NEK10: variants seen among roughly 807,000 people sequenced by gnomAD.
The protein encoded by NEK10 is NIMA related kinase 10.
NEK10 carries 122 observed loss-of-function variants against 159.8 expected under a neutral mutation model. That is an observed-to-expected ratio of 0.76 (90% confidence interval 0.66 to 0.89). The LOEUF (loss-of-function observed/expected upper bound fraction) is 0.89. Ranked by LOEUF, NEK10 falls within the 40% of genes least tolerant of loss-of-function variation. The probability of loss-of-function intolerance (pLI) is 0.00; values close to 1 mark genes in which losing one functional copy is unlikely to be tolerated. For synonymous variants in NEK10, 466 were observed against 457.1 expected, an observed-to-expected ratio of 1.02 and a Z score of -0.25; for missense variants, 1,342 against 1,323.1, an observed-to-expected ratio of 1.01 and a Z score of -0.22.
At position 27,314,280 on chromosome 3, in the gene NEK10, C is replaced by T. The variant is rs2149610194; in HGVS notation, c.489+17G>A. On this transcript the variant is annotated intron_variant, in intron 7 of 35. Transcript: ENST00000691995. ...AAAATGAAAAGGCAAGACCAGCCAC[C>T]ACAAAAGGAATCTTACCTGAGCTAG... 1 of 1,587,502 alleles carries T rather than the reference C, an allele frequency of 6.3e-7. No homozygotes were observed. The highest frequency in any genetic ancestry group is 8.6e-7 in the Non-Finnish European group (1 of 1,161,296).
intron 18 of NEK10, 136 bp from the exon 19 acceptor site, chr3:27,290,890 G>T: frequency 1.5e-6 from 1 of 682,486 alleles, no homozygotes; most frequent in Non-Finnish European, 2.4e-6. Flanking sequence ...AGCATTTAAA[G>T]TTCCAGCTGT....
At chr3:27,188,652 T>C (rs573467942) in intron 26 of NEK10, among the ~76,000 whole-genome samples, 78 of 152,314 alleles carry the variant, frequency 5.1e-4, no homozygotes, top group Admixed American at 5.0e-3. Context: ...CTTCTCTCAT[T>C]AATTCTCTTC....
chr3:27,302,199 C>T (rs1343181207), intron 12 of NEK10, among the ~76,000 whole-genome samples: 1 of 152,128 alleles, frequency 6.6e-6, no homozygotes, highest in African/African-American at 2.4e-5. Context: ...AGAAAGTTCT[C>T]TCCTATCATA....
intron 22 of NEK10, among the ~76,000 whole-genome samples, chr3:27,284,128 G>A (rs1187611652): frequency 6.6e-6 from 1 of 152,156 alleles, no homozygotes; most frequent in African/African-American, 2.4e-5. Context: ...GCTCACACCT[G>A]CAATCCCAGC....
intron 22 of NEK10, among the ~76,000 whole-genome samples, chr3:27,258,042 C>T (rs973361136): frequency 1.3e-5 from 2 of 151,778 alleles, no homozygotes; most frequent in Non-Finnish European, 2.9e-5. Context: ...ATGATCCGCC[C>T]ACCTCAGCCT....
intron 13 of NEK10, among the ~76,000 whole-genome samples, chr3:27,299,339 G>C (rs2043616698): frequency 6.6e-6 from 1 of 152,228 alleles, no homozygotes; most frequent in African/African-American, 2.4e-5. Flanking sequence ...GTGGTGTTGA[G>C]TCTGCTTGTA....
chr3:27,177,869 G>C (rs1314656757), intron 26 of NEK10, among the ~76,000 whole-genome samples: 2 of 152,112 alleles, frequency 1.3e-5, no homozygotes, highest in Admixed American at 1.3e-4. Context: ...CCTATTAAAG[G>C]GATTTAGGCA....
intron 5 of NEK10, among the ~76,000 whole-genome samples, chr3:27,339,045 A>ACAT (rs2047014892): frequency 2.0e-5 from 3 of 152,234 alleles, no homozygotes; most frequent in African/African-American, 7.2e-5. Flanking sequence ...CTATTCATCA[A>ACAT]CAAGCGACTA....
chr3:27,194,361 C>T (rs1267365163), intron 25 of NEK10: 2 of 152,088 alleles, frequency 1.3e-5, no homozygotes, highest in Admixed American at 1.3e-4. Context: ...GTGATCCACC[C>T]ACCTCGGCCT....
chr3:27,160,536 T>C lies in NEK10; in HGVS notation c.2869+2165A>G, dbSNP rs985684200. 5.9e-5 allele frequency among the ~76,000 whole-genome samples: 9 copies of C among 152,178 alleles called. 1 individual carries two copies. The highest frequency in any genetic ancestry group is 2.4e-5 in the African/African-American group (1 of 41,444). Reference sequence around the variant, plus strand: ...TAACTCTCAGGTGGTAACCCAAATGTTCCCTGTGAATTAATGTGTTGTACA... The same window carrying C: ...TAACTCTCAGGTGGTAACCCAAATGCTCCCTGTGAATTAATGTGTTGTACA... On this transcript the variant is annotated intron_variant, in intron 30 of 35. Transcript: ENST00000691995.
In NEK10 at chr3:27,369,201, G is replaced by A. The variant is rs573912467; in HGVS notation, c.-38+24C>T. ...ACTCAAGCTGCTCGCCGGCACAGCC[G>A]AGCACCGGCTCCCGCCTACTCACCG... On this transcript the variant is annotated intron_variant, in intron 1 of 35. Transcript: ENST00000691995. This position sits in a 1 kb window ranked among gnomAD's most constrained non-coding sequence, Gnocchi z 4.2. The A allele has an allele frequency of 1.1e-4, 17 of 152,324 alleles. No homozygotes were observed. The highest frequency in any genetic ancestry group is 3.6e-4 in the African/African-American group (15 of 41,548). The allele number at this position is 152,324 out of a possible 1,614,324, so 9.4% of individuals were successfully genotyped here. A position where few individuals can be genotyped will look rare whatever the true frequency, so the allele number is the denominator to read the frequency against.
chr3:27,304,177 C>T (rs1367879943), intron 12 of NEK10, among the ~76,000 whole-genome samples: 3 of 151,962 alleles, frequency 2.0e-5, no homozygotes, highest in Non-Finnish European at 4.4e-5. Context: ...CTTAGAGGAC[C>T]GTAATGAAGA....
intron 23 of NEK10, among the ~76,000 whole-genome samples, chr3:27,236,397 T>C (rs1953917652): frequency 6.6e-6 from 1 of 152,176 alleles, no homozygotes; most frequent in South Asian, 2.1e-4. Flanking sequence ...TAATGTCTTT[T>C]GCAGCAACTT....
chr3:27,309,703 C>T (rs926997769), intron 9 of NEK10: 1 of 152,192 alleles, frequency 6.6e-6, no homozygotes, highest in African/African-American at 2.4e-5. Context: ...CCATTGAGAA[C>T]TCACTTTGAG....
intron 22 of NEK10, among the ~76,000 whole-genome samples, chr3:27,259,733 T>C (rs1432720263): frequency 1.3e-5 from 2 of 152,180 alleles, no homozygotes; most frequent in African/African-American, 4.8e-5. Flanking sequence ...AACTTTAAAG[T>C]AGTTTTTTCC....
At chr3:27,218,450 CA>C (rs1951750892) in intron 23 of NEK10, among the ~76,000 whole-genome samples, 1 of 151,762 alleles carries the variant, frequency 6.6e-6, no homozygotes, top group Non-Finnish European at 1.5e-5. Context: ...ACTAAAAATA[CA>C]AAAATTAGCC....
intron 1 of NEK10, among the ~76,000 whole-genome samples, chr3:27,356,688 T>C (rs527987424): frequency 1.3e-5 from 2 of 152,190 alleles, no homozygotes; most frequent in African/African-American, 4.8e-5. Flanking sequence ...ATCCTTTGGG[T>C]TTCAGGTCAG....
intron 23 of NEK10, among the ~76,000 whole-genome samples, chr3:27,233,284 T>G (rs1447072742): frequency 6.6e-6 from 1 of 151,990 alleles, no homozygotes; most frequent in Non-Finnish European, 1.5e-5. Flanking sequence ...AGCAAACATA[T>G]GAAAAATGCT....
chr3:27,230,023 C>A (rs1292420255), intron 23 of NEK10, among the ~76,000 whole-genome samples: 3 of 152,036 alleles, frequency 2.0e-5, no homozygotes, highest in Non-Finnish European at 4.4e-5. Context: ...CGAAGAACTC[C>A]TGGGAAATTA....
Sources: gnomAD v4.1 joint callset for allele counts (sites outside exome capture counted in the v4.1 genomes callset) on GRCh38, gnomAD v4.1.1 for gene constraint, Gnocchi (gnomAD v3.1) non-coding constraint, MANE v1.5 for transcripts, NCBI Gene and HGNC (gene_info 2026-07-23, HGNC 2026-07-21) for gene names.